PTPRR: variants seen among roughly 807,000 people sequenced by gnomAD.
PTPRR encodes the protein protein tyrosine phosphatase receptor type R.
In PTPRR, 38 loss-of-function variants were observed where a neutral mutation model predicts 77.2. The observed-to-expected ratio is 0.49, with a 90% CI of 0.38 to 0.65. The LOEUF is 0.65. Ranked by LOEUF, PTPRR falls within the 30% of genes least tolerant of loss-of-function variation. The probability of loss-of-function intolerance (pLI) is 0.00; values close to 1 mark genes in which losing one functional copy is unlikely to be tolerated. For synonymous variants in PTPRR, 299 were observed against 283.1 expected (o/e 1.06, Z -0.57); for missense variants, 744 against 799.2 (o/e 0.93, Z 0.83).
At chr12:70,669,342 G>A (rs1325816589) in intron 10 of PTPRR, among the ~76,000 whole-genome samples, 1 of 152,030 alleles carries the variant, frequency 6.6e-6, no homozygotes, top group Non-Finnish European at 1.5e-5. Flanking sequence ...CAGAAGTCCT[G>A]AAGTCAAGCT....
intron 6 of PTPRR, among the ~76,000 whole-genome samples, chr12:70,739,469 T>G (rs1287331865): frequency 2.6e-5 from 4 of 152,326 alleles, no homozygotes; most frequent in East Asian, 3.9e-4. Flanking sequence ...TTATGGAAGA[T>G]TCTTTAGAAA....
intron 2 of PTPRR, among the ~76,000 whole-genome samples, chr12:70,881,969 T>C (rs2137105162): frequency 6.6e-6 from 1 of 152,322 alleles, no homozygotes; most frequent in African/African-American, 2.4e-5. Flanking sequence ...TTCTAAAGTA[T>C]TGGGTGTTTA....
At chr12:70,799,393 C>T (rs144016755) in intron 2 of PTPRR, among the ~76,000 whole-genome samples, 2 of 152,130 alleles carry the variant, frequency 1.3e-5, no homozygotes, top group Admixed American at 6.5e-5. Context: ...CTCCCAGAAT[C>T]GCATGTTTAT....
intron 5 of PTPRR, among the ~76,000 whole-genome samples, chr12:70,753,529 A>G (rs893062574): frequency 2.6e-5 from 4 of 152,198 alleles, no homozygotes; most frequent in Non-Finnish European, 5.9e-5. Flanking sequence ...AATGCCAAAT[A>G]GTACTGCTTA....
intron 8 of PTPRR, among the ~76,000 whole-genome samples, chr12:70,689,651 AAAC>A (rs1887989420): frequency 6.6e-6 from 1 of 152,180 alleles, no homozygotes; most frequent in Non-Finnish European, 1.5e-5. Context: ...ACAGTGGAGC[AAAC>A]AACATTTATT....
chr12:70,799,018 A>G (rs1338432125), intron 2 of PTPRR, among the ~76,000 whole-genome samples: 1 of 152,196 alleles, frequency 6.6e-6, no homozygotes, highest in African/African-American at 2.4e-5. Context: ...AACAAAAAGT[A>G]GTCTAAGGAC....
chr12:70,846,984 T>A (rs1892495472), intron 2 of PTPRR, among the ~76,000 whole-genome samples: 1 of 151,954 alleles, frequency 6.6e-6, no homozygotes, highest in Non-Finnish European at 1.5e-5. Context: ...CTGTGTAAAC[T>A]CCTGGCATGG....
chr12:70,673,202 A>G (rs1427508108), intron 10 of PTPRR, among the ~76,000 whole-genome samples: 4 of 152,128 alleles, frequency 2.6e-5, no homozygotes, highest in Non-Finnish European at 5.9e-5. Flanking sequence ...TCTTTAAAAT[A>G]TGTCACATAT....
At chr12:70,840,454 T>G (rs1346851048) in intron 2 of PTPRR, among the ~76,000 whole-genome samples, 1 of 152,204 alleles carries the variant, frequency 6.6e-6, no homozygotes, top group African/African-American at 2.4e-5. Context: ...CTTTGCCATG[T>G]AAAGCAACAC....
At chr12:70,784,519 C>T (rs1050289787) in intron 2 of PTPRR, among the ~76,000 whole-genome samples, 4 of 152,212 alleles carry the variant, frequency 2.6e-5, no homozygotes, top group African/African-American at 9.6e-5. Flanking sequence ...ACAACCTAGC[C>T]CCGCTCCAAT....
Position 70,920,462 on chromosome 12 carries a change from G to T in PTPRR, c.-72C>A. On this transcript the variant is annotated 5_prime_UTR_variant, in exon 1 of 14. Coordinates refer to ENST00000283228, the MANE Select transcript of PTPRR (RefSeq NM_002849.4). Reference sequence around the variant, plus strand: ...TTCAGGTAAAGTGCTATTAGAAAGAGCCACCGCCAAGGGTCTTCTAGTCTC... The same window carrying T: ...TTCAGGTAAAGTGCTATTAGAAAGATCCACCGCCAAGGGTCTTCTAGTCTC... The T allele has an allele frequency of 1.4e-6, 2 of 1,456,996 alleles. No homozygotes were observed. The highest frequency in any genetic ancestry group is 9.5e-7 in the Non-Finnish European group (1 of 1,053,574). The allele number at this position is 1,456,996 out of a possible 1,614,324, so 90.3% of individuals were successfully genotyped here.
At chr12:70,809,260 C>A (rs559652980) in intron 2 of PTPRR, among the ~76,000 whole-genome samples, 1 of 152,142 alleles carries the variant, frequency 6.6e-6, no homozygotes, top group South Asian at 2.1e-4. Flanking sequence ...GCTTTTGCAA[C>A]CATGAGGTAG....
intron 2 of PTPRR, among the ~76,000 whole-genome samples, chr12:70,867,882 G>A (rs572588970): frequency 4.7e-4 from 71 of 152,096 alleles, no homozygotes; most frequent in Admixed American, 1.2e-3. Context: ...AAATAATGCC[G>A]CATATCTACA....
At chr12:70,851,463 T>A (rs1892570580) in intron 2 of PTPRR, among the ~76,000 whole-genome samples, 1 of 152,142 alleles carries the variant, frequency 6.6e-6, no homozygotes, top group Non-Finnish European at 1.5e-5. Flanking sequence ...TGGGTTCATA[T>A]CCTGACCCCA....
intron 2 of PTPRR, among the ~76,000 whole-genome samples, chr12:70,873,720 A>G (rs528735134): frequency 6.6e-6 from 1 of 151,578 alleles, no homozygotes; most frequent in African/African-American, 2.4e-5. Context: ...TCCTGAAGTC[A>G]TATGTCTAGG....
Position 70,920,530 on chromosome 12 carries a change from T to C in PTPRR, c.-140A>G, listed in dbSNP as rs1893840931. 2.7e-6 allele frequency: 2 copies of C among 735,948 alleles called. No individual in the cohort carries two copies. The highest frequency in any genetic ancestry group is 4.6e-6 in the Non-Finnish European group (2 of 438,442). The allele number at this position is 735,948 out of a possible 1,614,324, so 45.6% of individuals were successfully genotyped here. A position where few individuals can be genotyped will look rare whatever the true frequency, so the allele number is the denominator to read the frequency against. ...GCTGGGGTTTGCAGAGCAGTCAGTC[T>C]GTGGCGCCGACAGAAACCAGCACCA... On this transcript the variant is annotated 5_prime_UTR_variant, in exon 1 of 14. Transcript: ENST00000283228.
intron 2 of PTPRR, among the ~76,000 whole-genome samples, chr12:70,836,703 C>T (rs1892310359): frequency 6.6e-6 from 1 of 151,858 alleles, no homozygotes; most frequent in African/African-American, 2.4e-5. Context: ...ACTCTCACTC[C>T]TCACTCCCAC....
intron 6 of PTPRR, among the ~76,000 whole-genome samples, chr12:70,705,717 C>G (rs765352826): frequency 6.6e-6 from 1 of 150,640 alleles, no homozygotes; most frequent in Non-Finnish European, 1.5e-5. Context: ...GATTTGACTT[C>G]CGAGATTTTT....
In PTPRR at chr12:70,658,915, T is replaced by G. The variant is rs967976952; in HGVS notation, c.1766+2025A>C. On this transcript the variant is annotated intron_variant, in intron 12 of 13. Transcript: ENST00000283228. ...TTTTTTTTTTTTTTTTTTTTTTTTT[T>G]ATAAGACAGAGTCTTTCTCTGTCGC... Among the ~76,000 whole-genome samples, 11 of 124,710 alleles carry G rather than the reference T, an allele frequency of 8.8e-5. No homozygotes were observed. In the East Asian group the frequency reaches 2.9e-3, roughly 33 times the overall value. 81.8% of individuals were successfully genotyped at this position (124,710 alleles called of 152,430 possible). A position where few individuals can be genotyped will look rare whatever the true frequency, so the allele number is the denominator to read the frequency against.
Sources: allele counts gnomAD v4.1 joint callset (sites outside exome capture counted in the v4.1 genomes callset), GRCh38; gene constraint gnomAD v4.1.1; transcripts MANE v1.5; gene names NCBI Gene and HGNC (gene_info 2026-07-23, HGNC 2026-07-21).